The following IFT52 variants were observed in gnomAD, a reference collection of about 807,000 sequenced individuals.
The protein encoded by IFT52 is intraflagellar transport protein 52 homolog.
A neutral mutation model predicts 54.4 loss-of-function variants in IFT52; 44 were observed. That is an observed-to-expected ratio of 0.81 (90% CI 0.63 to 1.04). The LOEUF is 1.04. IFT52 is among the 50% of genes least tolerant of loss of function. The probability of loss-of-function intolerance (pLI) is 0.00; values close to 1 mark genes in which losing one functional copy is unlikely to be tolerated. For synonymous variants in IFT52, 181 were observed against 185.3 expected, an observed-to-expected ratio of 0.98 and a Z score of 0.19; for missense variants, 452 against 523.6, an observed-to-expected ratio of 0.86 and a Z score of 1.33.
intron 3 of IFT52, among the ~76,000 whole-genome samples, chr20:43,596,733 C>T (rs556718799): frequency 2.3e-4 from 30 of 130,400 alleles, no homozygotes; most frequent in African/African-American, 8.7e-4. Context: ...ATTAGCCACA[C>T]TTCTTTTTTT....
chr20:43,619,910 C>CTTTTTTTTTTTTT (rs11482384), intron 8 of IFT52, among the ~76,000 whole-genome samples: 1 of 82,776 alleles, frequency 1.2e-5, no homozygotes, highest in Non-Finnish European at 2.1e-5. Flanking sequence ...AGATATTCTA[C>CTTTTTTTTTTTTT]TTTTTTTTTT....
rs188820281 is a variant in IFT52, at chr20:43,591,281, T to C, written c.-7+227T>C. On this transcript the variant is annotated intron_variant, in intron 1 of 13. Transcript: ENST00000373030. Reference sequence around the variant, plus strand: ...GCAGGTGTTTAGTCGTTCCGCTGACTATGAAAGAGCATGGGACGAGGAATC... The same window carrying C: ...GCAGGTGTTTAGTCGTTCCGCTGACCATGAAAGAGCATGGGACGAGGAATC... Among the ~76,000 whole-genome samples, 118 of 152,386 alleles carry C rather than the reference T, an allele frequency of 7.7e-4. 1 individual carries two copies. The highest frequency in any genetic ancestry group is 2.6e-3 in the African/African-American group (109 of 41,598).
intron 7 of IFT52, among the ~76,000 whole-genome samples, chr20:43,617,993 C>G (rs1283826122): frequency 6.6e-6 from 1 of 152,090 alleles, no homozygotes; most frequent in African/African-American, 2.4e-5. Flanking sequence ...GGGTGATCTG[C>G]CCACCTTGGC....
At chr20:43,641,015 A>C (rs6017131) in intron 12 of IFT52, among the ~76,000 whole-genome samples, 5 of 131,656 alleles carry the variant, frequency 3.8e-5, no homozygotes, top group African/African-American at 1.4e-4. Context: ...TGGGTGATAG[A>C]GCCAAACCTT....
chr20:43,597,692 G>A (rs537240722), intron 3 of IFT52, among the ~76,000 whole-genome samples: 4 of 152,210 alleles, frequency 2.6e-5, no homozygotes, highest in East Asian at 3.9e-4. Context: ...TCAGGAGTTC[G>A]AGACTAGCCT....
At chr20:43,604,849 G>T (rs1982731897) in intron 5 of IFT52, among the ~76,000 whole-genome samples, 153 bp from the exon 6 acceptor site, 1 of 151,978 alleles carries the variant, frequency 6.6e-6, no homozygotes, top group African/African-American at 2.4e-5. Context: ...GCTCAGGCTG[G>T]AATGCAGTGG....
intron 8 of IFT52, among the ~76,000 whole-genome samples, chr20:43,619,268 A>G (rs912637750): frequency 6.6e-5 from 10 of 152,076 alleles, no homozygotes; most frequent in African/African-American, 2.2e-4. Flanking sequence ...TGAGCATGTC[A>G]GGTGGGGTGG....
At chr20:43,636,398 A>T (rs1230075982) in intron 11 of IFT52, among the ~76,000 whole-genome samples, 1 of 152,156 alleles carries the variant, frequency 6.6e-6, no homozygotes, top group Non-Finnish European at 1.5e-5. Flanking sequence ...TCATGTGTGT[A>T]AATAGGTTAT....
At chr20:43,622,708 C>T (rs944956960) in intron 9 of IFT52, among the ~76,000 whole-genome samples, 4 of 142,896 alleles carry the variant, frequency 2.8e-5, no homozygotes, top group African/African-American at 1.0e-4. Flanking sequence ...TAAATATATA[C>T]ATATTTTTAT....
chr20:43,640,810 T>C (rs1033277205), intron 12 of IFT52, among the ~76,000 whole-genome samples: 7 of 151,786 alleles, frequency 4.6e-5, no homozygotes, highest in Non-Finnish European at 1.0e-4. Flanking sequence ...CCAAAGCAGG[T>C]GGATTGCTGG....
intron 7 of IFT52, 94 bp from the exon 8 acceptor site, chr20:43,618,846 A>G: frequency 2.5e-6 from 2 of 798,540 alleles, no homozygotes; most frequent in Non-Finnish European, 4.3e-6. Context: ...TATATAAGAC[A>G]GTTGCTAGCA....
At chr20:43,615,452 G>T (rs1052138686) in intron 7 of IFT52, among the ~76,000 whole-genome samples, 3 of 152,140 alleles carry the variant, frequency 2.0e-5, no homozygotes, top group Non-Finnish European at 2.9e-5. Flanking sequence ...GGTGTCTCTA[G>T]CTCTGAACAA....
chr20:43,635,995 G>A lies in IFT52; in HGVS notation c.993G>A (p.Leu331=), dbSNP rs1985509264. The A allele has an allele frequency of 1.2e-6, 2 of 1,614,138 alleles. No individual in the cohort carries two copies. Among genetic ancestry groups the A allele is most frequent in the Non-Finnish European group, 1.7e-6 (2 of 1,180,008 alleles). ...TCCAGCCTCAGTTTGAGACGCCGCTGCCAACCCTTCAGCCTGCGGTGAGTA... is the reference window on the plus strand; with the variant it reads ...TCCAGCCTCAGTTTGAGACGCCGCTACCAACCCTTCAGCCTGCGGTGAGTA... ...QLIQPQFETP[L]PTLQPAVFPP... The change falls in exon 11 of 14, where the codon CTG becomes CTA. Residue 331 remains leucine (L), a synonymous_variant. Transcript: ENST00000373030.
chr20:43,594,970 C>T (rs550030653), intron 2 of IFT52, among the ~76,000 whole-genome samples, 153 bp downstream of exon 2: 27 of 152,056 alleles, frequency 1.8e-4, no homozygotes, highest in Non-Finnish European at 3.2e-4. Context: ...TGGTGGCTCA[C>T]ACCTGTAATC....
chr20:43,614,147 G>A (rs139273435), intron 7 of IFT52, among the ~76,000 whole-genome samples, 171 bp downstream of exon 7: 123 of 152,182 alleles, frequency 8.1e-4, no homozygotes, highest in African/African-American at 2.6e-3. Context: ...ACAGTGGATT[G>A]TCCAGTAATT....
intron 12 of IFT52, among the ~76,000 whole-genome samples, chr20:43,641,858 A>G (rs1196901028): frequency 2.0e-5 from 3 of 150,342 alleles, no homozygotes; most frequent in Non-Finnish European, 4.4e-5. Flanking sequence ...CAGTGGCGCA[A>G]TCTCTGTTCA....
In IFT52 at chr20:43,605,061, G is replaced by T. The variant is rs775470435; in HGVS notation, c.473G>T (p.Gly158Val). ...GGGATCATTGATGAGGAAAGCAGTG[G>T]AAACAATGCCCAGTGAGTGTGTTTT... The part of the protein sequence containing the change: ...VPGIIDEESS[G>V]NNAQALTFVY... The change falls in exon 6 of 14, where the codon GGA becomes GTA. Residue 158 changes from glycine to valine, a missense_variant. Physicochemically the swap from Gly to Val is moderately radical, Grantham distance 109. Transcript: ENST00000373030. 3 of 1,613,610 alleles carry T rather than the reference G, an allele frequency of 1.9e-6. No individual in the cohort carries two copies. The highest frequency in any genetic ancestry group is 2.5e-6 in the Non-Finnish European group (3 of 1,179,830).
intron 12 of IFT52, among the ~76,000 whole-genome samples, chr20:43,640,224 A>T (rs1427743914): frequency 6.6e-6 from 1 of 152,132 alleles, no homozygotes; most frequent in Non-Finnish European, 1.5e-5. Context: ...TGGGAGGCCG[A>T]GGCAGGTGGA....
chr20:43,591,593 G>C (rs1430253862), intron 1 of IFT52, among the ~76,000 whole-genome samples: 2 of 151,838 alleles, frequency 1.3e-5, no homozygotes, highest in African/African-American at 4.8e-5. Flanking sequence ...ACCATGGAGG[G>C]GGCAGTTTTT....
Sources: allele counts gnomAD v4.1 joint callset (sites outside exome capture counted in the v4.1 genomes callset), GRCh38; gene constraint gnomAD v4.1.1; transcripts MANE v1.5; gene names NCBI Gene and HGNC (gene_info 2026-07-23, HGNC 2026-07-21).